The following LATS1 variants were observed in gnomAD, a reference collection of about 807,000 sequenced individuals.
The protein encoded by LATS1 is large tumor suppressor kinase 1, also known as serine/threonine-protein kinase LATS1.
LATS1 carries 25 observed loss-of-function variants against 106.6 expected under a neutral mutation model. The observed-to-expected ratio is 0.23, with a 90% CI of 0.17 to 0.33. The LOEUF is 0.33. LATS1 is among the 10% of genes least tolerant of loss of function. LATS1 has a pLI of 1.00. For synonymous variants in LATS1, 465 were observed against 455.6 expected (o/e 1.02, Z -0.26); for missense variants, 1,040 against 1,382.6 (o/e 0.75, Z 3.93).
chr6:149,682,916 C>T (rs1782135067), intron 4 of LATS1, 163 bp downstream of exon 4: 1 of 595,500 alleles, frequency 1.7e-6, no homozygotes, highest in South Asian at 3.1e-5. Flanking sequence ...TAAAATGCTA[C>T]AATCAAAAGT....
intron 3 of LATS1, among the ~76,000 whole-genome samples, chr6:149,685,476 C>T (rs1029953812): frequency 6.6e-6 from 1 of 152,148 alleles, no homozygotes; most frequent in Middle Eastern, 3.4e-3. Flanking sequence ...ACCTCCGTCT[C>T]CCGGGTTCAA....
rs899557971 is a variant in LATS1, at chr6:149,699,474, T to TA, written c.348+2304dup. Among the ~76,000 whole-genome samples the TA allele has an allele frequency of 3.1e-3, 445 of 142,390 alleles. 2 individuals carry two copies. Among genetic ancestry groups the TA allele is most frequent in the Non-Finnish European group, 4.2e-3 (274 of 64,772 alleles). The allele number at this position is 142,390 out of a possible 152,430, so 93.4% of individuals were successfully genotyped here. ...TTTGACATTAAAGTTTACTTTTTAA[T>TA]AAAAAAAAAAAATAAAATAAATAAA... is the stretch of plus-strand genomic sequence containing the variant. On this transcript the variant is annotated intron_variant, in intron 2 of 7. Transcript: ENST00000543571.
chr6:149,667,438 C>CAAAAA (rs1189854950), intron 7 of LATS1, among the ~76,000 whole-genome samples: 1 of 33,972 alleles, frequency 2.9e-5, no homozygotes. Context: ...GACTGTATCT[C>CAAAAA]AAAAAAAAAA....
intron 3 of LATS1, among the ~76,000 whole-genome samples, chr6:149,688,489 T>C (rs1471141720): frequency 6.6e-6 from 1 of 151,940 alleles, no homozygotes; most frequent in Non-Finnish European, 1.5e-5. Context: ...TTTGTATTTT[T>C]AGTAGAGATG....
chr6:149,707,011 CTTTTTTTTTTT>C (rs745424840), intron 1 of LATS1, among the ~76,000 whole-genome samples: 1 of 110,444 alleles, frequency 9.1e-6, no homozygotes, highest in Non-Finnish European at 1.8e-5. Context: ...CTGGACATCT[CTTTTTTTTTTT>C]TTTTTTTTTT....
At chr6:149,680,642 T>C (rs1171238929) in intron 4 of LATS1, among the ~76,000 whole-genome samples, 185 bp from the exon 5 acceptor site, 1 of 151,478 alleles carries the variant, frequency 6.6e-6, no homozygotes. Flanking sequence ...TAAGGGGTAG[T>C]TAAAAGGATA....
rs1246989195 is a variant in LATS1, at chr6:149,661,777, A to G, written c.3345T>C (p.Asp1115=). The part of the protein sequence containing the change: ...QGSEQQSDED[D]QNTGSEIKNR... ...TTTTAATCTCTGAGCCTGTGTTTTG[A>G]TCATCTTCATCCGACTGCTGCTCTG... Residue 1115 remains aspartate, a synonymous_variant, in exon 8 of 8, where the codon GAT becomes GAC. Transcript: ENST00000543571. 2.5e-6 allele frequency: 4 copies of G among 1,594,138 alleles called. 1 individual carries two copies. The highest frequency in any genetic ancestry group is 2.3e-5 in the South Asian group (2 of 87,592).
At position 149,683,187 on chromosome 6, in the gene LATS1, A is replaced by G. The variant is rs1223645333; in HGVS notation, c.1902T>C (p.Tyr634=). ...TAAAGAATTTAAATGCTTGAGGAGAATAACTTTGAATACGAGATTCCCTTC... is the reference window on the plus strand; with the variant it reads ...TAAAGAATTTAAATGCTTGAGGAGAGTAACTTTGAATACGAGATTCCCTTC... ...EERRESRIQS[Y]SPQAFKFFME... Residue 634 remains tyrosine (Y), a synonymous_variant, in exon 4 of 8, where the codon TAT becomes TAC. Transcript: ENST00000543571. 1 of 1,613,970 alleles carries G rather than the reference A, an allele frequency of 6.2e-7. No homozygotes were observed. Among genetic ancestry groups the G allele is most frequent in the Non-Finnish European group, 8.5e-7 (1 of 1,179,958 alleles).
At chr6:149,688,675 G>C (rs1165450315) in intron 3 of LATS1, among the ~76,000 whole-genome samples, 2 of 152,106 alleles carry the variant, frequency 1.3e-5, no homozygotes, top group Non-Finnish European at 2.9e-5. Flanking sequence ...CAATGACATT[G>C]GTAAACAACA....
In LATS1 at chr6:149,676,502, G is replaced by A. The variant is rs147699011; in HGVS notation, c.2776+53C>T. 330 of 1,547,144 alleles carry A rather than the reference G, an allele frequency of 2.1e-4. 3 individuals carry two copies. In the African/African-American group the frequency reaches 3.8e-3, roughly 18 times the overall value. Reference sequence around the variant, plus strand: ...GAAAAATAAGGCATATTCTAGTGTCGTTTTGGCTGGTCTAAAGGTCTACTG... The same window carrying A: ...GAAAAATAAGGCATATTCTAGTGTCATTTTGGCTGGTCTAAAGGTCTACTG... On this transcript the variant is annotated intron_variant, in intron 6 of 7. Coordinates refer to ENST00000543571, the MANE Select transcript of LATS1 (RefSeq NM_004690.4).
intron 1 of LATS1, among the ~76,000 whole-genome samples, chr6:149,704,290 A>C (rs1025893243): frequency 2.6e-5 from 4 of 152,206 alleles, no homozygotes; most frequent in African/African-American, 9.6e-5. Context: ...GGCGTGAGCC[A>C]CTGTGGCCGG....
At position 149,660,876 on chromosome 6, in the gene LATS1, A is replaced by C. The variant is rs1282302731; in HGVS notation, c.*853T>G. On this transcript the variant is annotated 3_prime_UTR_variant, in exon 8 of 8. Coordinates refer to ENST00000543571, the MANE Select transcript of LATS1 (RefSeq NM_004690.4). Reference sequence around the variant, plus strand: ...GATATAATCAAAATAGTTACTATACAGGAAAAGTATATGAAAATTAAAATA... The same window carrying C: ...GATATAATCAAAATAGTTACTATACCGGAAAAGTATATGAAAATTAAAATA... 1 of 208,962 alleles carries C rather than the reference A, an allele frequency of 4.8e-6. No homozygotes were observed. The highest frequency in any genetic ancestry group is 2.3e-5 in the African/African-American group (1 of 44,036). 12.9% of individuals were successfully genotyped at this position (208,962 alleles called of 1,614,324 possible).
rs1780854092 is a variant in LATS1 at position 149,660,766 on chromosome 6, T to TA, written c.*962dup. On this transcript the variant is annotated 3_prime_UTR_variant, in exon 8 of 8. Coordinates refer to ENST00000543571, the MANE Select transcript of LATS1 (RefSeq NM_004690.4). ...CCAATTAATCTGCGCTTAGGTAAAA[T>TA]ATTGCCAGATAGCCAGATTTTCCTT... 1 of 225,362 alleles carries TA rather than the reference T, an allele frequency of 4.4e-6. No individual in the cohort carries two copies. Among genetic ancestry groups the TA allele is most frequent in the East Asian group, 6.5e-5 (1 of 15,410 alleles). The allele number at this position is 225,362 out of a possible 1,614,324, so 14.0% of individuals were successfully genotyped here.
chr6:149,696,615 T>C (rs779672227), intron 2 of LATS1, among the ~76,000 whole-genome samples: 1 of 149,220 alleles, frequency 6.7e-6, no homozygotes, highest in Non-Finnish European at 1.5e-5. Context: ...AGTATCTTGG[T>C]ATTTTATTAA....
In LATS1 at chr6:149,679,937, A is replaced by G. The variant is rs1456666376; in HGVS notation, c.2531T>C (p.Leu844Ser). The G allele has an allele frequency of 6.2e-7, 1 of 1,613,730 alleles. No homozygotes were observed. Among genetic ancestry groups the G allele is most frequent in the Non-Finnish European group, 8.5e-7 (1 of 1,179,830 alleles). Residue 844 changes from leucine to serine, a missense_variant, in exon 5 of 8, where the codon TTG becomes TCG. Coordinates refer to ENST00000543571, the MANE Select transcript of LATS1 (RefSeq NM_004690.4). ...ILIDRDGHIK[L>S]TDFGLCTGFR... ...GCCAGTGCAGAGGCCAAAGTCAGTCAATTTAATATGACCATCACGATCAAT... is the reference window on the plus strand; with the variant it reads ...GCCAGTGCAGAGGCCAAAGTCAGTCGATTTAATATGACCATCACGATCAAT...
At chr6:149,696,110 T>TTGGCCAGGC (rs1783047648) in intron 2 of LATS1, among the ~76,000 whole-genome samples, 1 of 151,580 alleles carries the variant, frequency 6.6e-6, no homozygotes, top group Non-Finnish European at 1.5e-5. Context: ...TTTTACCATG[T>TTGGCCAGGC]TGGCCAGGCT....
At chr6:149,670,356 C>A (rs561284474) in intron 7 of LATS1, among the ~76,000 whole-genome samples, 1 of 151,878 alleles carries the variant, frequency 6.6e-6, no homozygotes, top group South Asian at 2.1e-4. Context: ...CCACCCTTCC[C>A]TAAAAATAAT....
At chr6:149,696,907 C>T (rs1269790029) in intron 2 of LATS1, among the ~76,000 whole-genome samples, 1 of 152,066 alleles carries the variant, frequency 6.6e-6, no homozygotes, top group Non-Finnish European at 1.5e-5. Flanking sequence ...CTGTAATAGG[C>T]TCATAGGGTT....
chr6:149,684,560 T>C lies in LATS1; in HGVS notation c.529A>G (p.Ser177Gly), dbSNP rs768469966. Residue 177 changes from serine to glycine, a missense_variant, in exon 4 of 8, where the codon AGC becomes GGC. Around this residue, in one of 7 missense-constraint regions of LATS1, gnomAD observed 624 missense variants for 714.8 expected, o/e 0.87. Coordinates refer to ENST00000543571, the MANE Select transcript of LATS1 (RefSeq NM_004690.4). ...AAGGATTCTTTAGAACCTTTCCAGC[T>C]CTGTTTGCGGTTAACTGATTGCTGC... ...NVQQSVNRKQSWKGSKESLVP... is the reference protein window; with the variant it reads ...NVQQSVNRKQGWKGSKESLVP... 6.2e-7 allele frequency: 1 copy of C among 1,607,872 alleles called. No homozygotes were observed. Among genetic ancestry groups the C allele is most frequent in the Non-Finnish European group, 8.5e-7 (1 of 1,175,394 alleles).
Sources: gnomAD v4.1 joint callset for allele counts (sites outside exome capture counted in the v4.1 genomes callset) on GRCh38, gnomAD v4.1.1 for gene constraint, gnomAD v4.1.1 regional missense constraint, MANE v1.5 for transcripts, NCBI Gene and HGNC (gene_info 2026-07-23, HGNC 2026-07-21) for gene names.